Variants in CFAP96 observed in about 807,000 individuals in gnomAD.
CFAP96 encodes cilia-and flagella-associated protein 96.
At chr4:185,413,420 G>A in the CFAP96 span, among the ~76,000 whole-genome samples, 1 of 152,000 alleles carries the variant, frequency 6.6e-6, no homozygotes, top group Non-Finnish European at 1.5e-5. Context: ...CCTACAGTGT[G>A]GTTTGGGTAG....
chr4:185,412,496 G>C, the CFAP96 span, among the ~76,000 whole-genome samples: 15 of 152,232 alleles, frequency 9.9e-5, no homozygotes, highest in African/African-American at 3.6e-4. Flanking sequence ...ATTAATAAAT[G>C]CCACCATACG....
At chr4:185,447,038 T>C in the CFAP96 span, among the ~76,000 whole-genome samples, 2 of 152,188 alleles carry the variant, frequency 1.3e-5, no homozygotes, top group African/African-American at 4.8e-5. Context: ...TCATCTCTTC[T>C]CTAAAGTCTG....
the CFAP96 span, among the ~76,000 whole-genome samples, chr4:185,440,006 T>C: frequency 3.1e-5 from 1 of 32,386 alleles, no homozygotes; most frequent in Non-Finnish European, 8.8e-5. Flanking sequence ...ACATATGAGA[T>C]ATAGATAATC....
the CFAP96 span, chr4:185,425,996 T>C: frequency 1.8e-6 from 2 of 1,111,458 alleles, no homozygotes; most frequent in African/African-American, 1.5e-5. Context: ...CCCGACATGC[T>C]CGGCGGCATG....
the CFAP96 span, among the ~76,000 whole-genome samples, chr4:185,431,010 GA>G: frequency 6.6e-6 from 1 of 152,122 alleles, no homozygotes; most frequent in Non-Finnish European, 1.5e-5. Context: ...AGGAGTTCAA[GA>G]CCAGCCTGAG....
the CFAP96 span, chr4:185,418,783 A>G: frequency 6.4e-7 from 1 of 1,573,928 alleles, no homozygotes; most frequent in Non-Finnish European, 8.6e-7. Context: ...AAATTAAAAG[A>G]ATATAAATAG....
At chr4:185,426,086 T>C in the CFAP96 span, 2 of 601,230 alleles carry the variant, frequency 3.3e-6, no homozygotes, top group East Asian at 5.6e-5. Context: ...GTTTGGTAAA[T>C]TCTATTAGTT....
At chr4:185,446,061 G>A in the CFAP96 span, among the ~76,000 whole-genome samples, 34 of 151,946 alleles carry the variant, frequency 2.2e-4, no homozygotes, top group Non-Finnish European at 4.3e-4. Flanking sequence ...GGCTGGTCTC[G>A]AACTCCCGAC....
the CFAP96 span, among the ~76,000 whole-genome samples, chr4:185,430,922 G>T: frequency 6.7e-6 from 1 of 149,180 alleles, no homozygotes; most frequent in African/African-American, 2.5e-5. Flanking sequence ...AAAAAACTCA[G>T]TGATACTGGC....
chr4:185,422,265 A>G, the CFAP96 span, among the ~76,000 whole-genome samples: 6 of 152,250 alleles, frequency 3.9e-5, no homozygotes, highest in Admixed American at 3.9e-4. Context: ...AAGTCTCTTA[A>G]GAAAGGGAAC....
the CFAP96 span, among the ~76,000 whole-genome samples, chr4:185,411,173 G>C: frequency 1.3e-5 from 2 of 150,404 alleles, no homozygotes; most frequent in African/African-American, 4.9e-5. Context: ...GAATGAAAAA[G>C]AAAATATTAT....
At chr4:185,419,616 C>A in the CFAP96 span, among the ~76,000 whole-genome samples, 2 of 152,194 alleles carry the variant, frequency 1.3e-5, no homozygotes, top group African/African-American at 2.4e-5. Context: ...CAATTATTAA[C>A]CTACTTTTTT....
At chr4:185,442,748 G>A in the CFAP96 span, among the ~76,000 whole-genome samples, 35 of 152,120 alleles carry the variant, frequency 2.3e-4, no homozygotes, top group Non-Finnish European at 4.3e-4. Context: ...CATCAGGAAC[G>A]TATGCTGAAT....
the CFAP96 span, among the ~76,000 whole-genome samples, chr4:185,410,170 GAAAA>G: frequency 6.6e-6 from 1 of 151,830 alleles, no homozygotes; most frequent in East Asian, 1.9e-4. Flanking sequence ...AAGCAAAAAA[GAAAA>G]ATAAATTCTG....
the CFAP96 span, chr4:185,422,592 C>A: frequency 6.7e-7 from 1 of 1,491,630 alleles, no homozygotes; most frequent in African/African-American, 1.4e-5. Flanking sequence ...AAGACAAACT[C>A]CCTTGTAAAA....
the CFAP96 span, among the ~76,000 whole-genome samples, chr4:185,413,572 G>A: frequency 2.0e-5 from 3 of 152,112 alleles, no homozygotes; most frequent in African/African-American, 7.2e-5. Flanking sequence ...TTTAATTACT[G>A]CTATCTTAAG....
chr4:185,431,605 C>G, the CFAP96 span, among the ~76,000 whole-genome samples: 1 of 152,236 alleles, frequency 6.6e-6, no homozygotes, highest in Non-Finnish European at 1.5e-5. Context: ...ACACCCTTCT[C>G]TTCGACCTGC....
At chr4:185,447,247 T>G in the CFAP96 span, among the ~76,000 whole-genome samples, 3 of 151,920 alleles carry the variant, frequency 2.0e-5, no homozygotes, top group African/African-American at 7.3e-5. Context: ...AGTGGCACGA[T>G]CTCGGCTCAC....
the CFAP96 span, among the ~76,000 whole-genome samples, chr4:185,446,067 C>G: frequency 6.6e-6 from 1 of 152,050 alleles, no homozygotes; most frequent in Admixed American, 6.6e-5. Flanking sequence ...TCTCGAACTC[C>G]CGACCTCAGG....
Sources: gnomAD v4.1 joint callset for allele counts (sites outside exome capture counted in the v4.1 genomes callset) on GRCh38, gnomAD v4.1.1 for gene constraint, MANE v1.5 for transcripts, NCBI Gene and HGNC (gene_info 2026-07-23, HGNC 2026-07-21) for gene names.